The following SUSD1 variants were observed in gnomAD, a reference collection of about 807,000 sequenced individuals.
SUSD1 encodes sushi domain-containing protein 1.
Under a neutral mutation model 86.9 loss-of-function variants are expected in SUSD1, and 65 were observed. The observed-to-expected ratio is 0.75, with a 90% confidence interval of 0.61 to 0.92. The LOEUF (loss-of-function observed/expected upper bound fraction) is 0.92, where lower values mean the gene tolerates loss of function less well. SUSD1 is among the 40% of genes least tolerant of loss of function. The pLI is 0.00. For missense variants in SUSD1, 850 were observed against 929.7 expected (o/e 0.91, Z 1.11); for synonymous variants, 346 against 350.0 (o/e 0.99, Z 0.13).
intron 5 of SUSD1, among the ~76,000 whole-genome samples, chr9:112,129,824 C>T (rs1288959963): frequency 6.6e-6 from 1 of 152,208 alleles, no homozygotes; most frequent in Non-Finnish European, 1.5e-5. Context: ...TAGCTTGCTA[C>T]TACTTTATCA....
intron 2 of SUSD1, among the ~76,000 whole-genome samples, chr9:112,150,065 T>G (rs1832981105): frequency 6.6e-6 from 1 of 152,226 alleles, no homozygotes; most frequent in Admixed American, 6.5e-5. Flanking sequence ...TAAATCTCCC[T>G]CTCATCTCTG....
chr9:112,100,468 G>A lies in SUSD1; in HGVS notation c.1281+1708C>T, dbSNP rs193128481. On this transcript the variant is annotated intron_variant, in intron 9 of 16. Coordinates refer to ENST00000374270, the MANE Select transcript of SUSD1 (RefSeq NM_022486.5). Reference sequence around the variant, plus strand: ...CCCAGAGTGCTGGGATTACAGGCGTGAGCCACCACGCCTGGCCAATTCCTA... The same window carrying A: ...CCCAGAGTGCTGGGATTACAGGCGTAAGCCACCACGCCTGGCCAATTCCTA... Among the ~76,000 whole-genome samples the A allele has an allele frequency of 1.6e-3, 250 of 151,936 alleles. 2 individuals are homozygous for A. Among genetic ancestry groups the A allele is most frequent in the African/African-American group, 5.8e-3 (239 of 41,458 alleles).
chr9:112,140,722 C>G (rs528918768), intron 5 of SUSD1, among the ~76,000 whole-genome samples: 2 of 152,274 alleles, frequency 1.3e-5, no homozygotes, highest in East Asian at 3.9e-4. Context: ...AAACAAATTA[C>G]AGTCATGCAT....
rs748568352 is a variant in SUSD1, at chr9:112,130,477, GGGAAAGGAGAGGGAGAGGAGAA to G, written c.707-6063_707-6042del. Among the ~76,000 whole-genome samples the G allele has an allele frequency of 5.5e-3, 815 of 147,632 alleles. 2 individuals carry two copies. The highest frequency in any genetic ancestry group is 8.7e-3 in the Non-Finnish European group (581 of 66,864). The stretch of plus-strand genomic sequence containing the variant: ...AGAGGGAGAGGAGAGGCAGAGGAGA[GGGAAAGGAGAGGGAGAGGAGAA>G]GGAAAGGAGAGGGAAGGAAAAGAAA... On this transcript the variant is annotated intron_variant, in intron 5 of 16. Coordinates refer to ENST00000374270, the MANE Select transcript of SUSD1 (RefSeq NM_022486.5).
At chr9:112,041,749 C>T in intron 16 of SUSD1, 118 bp downstream of exon 16, 1 of 995,030 alleles carries the variant, frequency 1.0e-6, no homozygotes, top group South Asian at 1.5e-5. Context: ...TCTGCTGAGC[C>T]AAGGACAACC....
chr9:112,124,242 G>C lies in SUSD1; in HGVS notation c.886+15C>G, dbSNP rs376360437. On this transcript the variant is annotated intron_variant, in intron 6 of 16. Transcript: ENST00000374270. ...TTTGTTCCTGGGTAGCAGGAGCCCA[G>C]AACAGAATCTGTACCTGTGCATGTT... 2.7e-4 allele frequency: 434 copies of C among 1,602,062 alleles called. No individual in the cohort carries two copies. Among genetic ancestry groups the C allele is most frequent in the Non-Finnish European group, 3.4e-4 (396 of 1,173,026 alleles).
At chr9:112,043,265 T>C (rs1466597602) in intron 15 of SUSD1, among the ~76,000 whole-genome samples, 1 of 152,218 alleles carries the variant, frequency 6.6e-6, no homozygotes, top group Non-Finnish European at 1.5e-5. Context: ...AACATCACTA[T>C]TGTAAAACCT....
chr9:112,167,050 G>A (rs953318658), intron 1 of SUSD1, among the ~76,000 whole-genome samples: 7 of 152,102 alleles, frequency 4.6e-5, no homozygotes, highest in Admixed American at 2.0e-4. Context: ...CTCAACCAGA[G>A]TCAGGGTTGG....
chr9:112,113,110 G>T lies in SUSD1; in HGVS notation c.887-242C>A, dbSNP rs560992937. Among the ~76,000 whole-genome samples, 1 of 152,144 alleles carries T rather than the reference G, an allele frequency of 6.6e-6. No individual in the cohort carries two copies. The stretch of plus-strand genomic sequence containing the variant: ...AGGAAAGATTCCAGCTTGGATATAG[G>T]TCAGAATTCTAACCTGTGATTCACC... On this transcript the variant is annotated intron_variant, in intron 6 of 16. Transcript: ENST00000374270. This position sits in a 1 kb window ranked among gnomAD's most constrained non-coding sequence, Gnocchi z 4.1.
chr9:112,094,148 C>A (rs1315870488), intron 10 of SUSD1, among the ~76,000 whole-genome samples: 3 of 152,088 alleles, frequency 2.0e-5, no homozygotes, highest in African/African-American at 7.2e-5. Context: ...GGCCCAGGAA[C>A]CAGTGTTTTC....
intron 1 of SUSD1, among the ~76,000 whole-genome samples, chr9:112,163,895 G>T (rs1833671536): frequency 6.6e-6 from 1 of 151,822 alleles, no homozygotes; most frequent in African/African-American, 2.4e-5. Context: ...CAGCTACTCA[G>T]GTGGCTGAGG....
At chr9:112,130,641 AAG>A (rs1017834074) in intron 5 of SUSD1, among the ~76,000 whole-genome samples, 2 of 151,908 alleles carry the variant, frequency 1.3e-5, no homozygotes, top group Non-Finnish European at 2.9e-5. Context: ...AAAAGGAAGA[AAG>A]AGAGAGAGAA....
At chr9:112,090,024 C>A (rs80084672) in intron 10 of SUSD1, among the ~76,000 whole-genome samples, 2,911 of 151,904 alleles carry the variant, frequency 0.019, 91 homozygotes, top group African/African-American at 0.066. Flanking sequence ...TTCTGCAGGT[C>A]ATAGTTTGTT....
At chr9:112,150,933 T>C (rs1304889138) in intron 2 of SUSD1, among the ~76,000 whole-genome samples, 1 of 152,164 alleles carries the variant, frequency 6.6e-6, no homozygotes, top group Non-Finnish European at 1.5e-5. Flanking sequence ...TACATGACTG[T>C]AGACTTTTAT....
At chr9:112,153,877 G>T (rs1833177417) in intron 2 of SUSD1, among the ~76,000 whole-genome samples, 1 of 151,890 alleles carries the variant, frequency 6.6e-6, no homozygotes, top group Non-Finnish European at 1.5e-5. Flanking sequence ...GCTTCCAAAA[G>T]TGCTGGGATT....
intron 1 of SUSD1, among the ~76,000 whole-genome samples, chr9:112,158,490 A>G (rs1233722679): frequency 2.0e-5 from 3 of 151,958 alleles, no homozygotes; most frequent in Non-Finnish European, 4.4e-5. Flanking sequence ...TCCCGGGCTC[A>G]TGCAATTCTC....
chr9:112,074,336 C>T lies in SUSD1; in HGVS notation c.1753+4202G>A, dbSNP rs138181283. Among the ~76,000 whole-genome samples the T allele has an allele frequency of 7.6e-3, 1,157 of 152,294 alleles. 44 individuals are homozygous for T. Among genetic ancestry groups the T allele is most frequent in the Admixed American group, 0.071 (1,082 of 15,300 alleles). Reference sequence around the variant, plus strand: ...ACCCTGTCCTAAAGGGGATGCGTGCCGTGGGGCTATCCTGAAGAATTCAGT... The same window carrying T: ...ACCCTGTCCTAAAGGGGATGCGTGCTGTGGGGCTATCCTGAAGAATTCAGT... On this transcript the variant is annotated intron_variant, in intron 12 of 16. Coordinates refer to ENST00000374270, the MANE Select transcript of SUSD1 (RefSeq NM_022486.5).
In SUSD1 at chr9:112,124,253, G is replaced by A; in HGVS notation, c.886+4C>T. On this transcript the variant is annotated splice_donor_region_variant and intron_variant, in intron 6 of 16. Transcript: ENST00000374270. Reference sequence around the variant, plus strand: ...GTAGCAGGAGCCCAGAACAGAATCTGTACCTGTGCATGTTAAAGTACTTTC... The same window carrying A: ...GTAGCAGGAGCCCAGAACAGAATCTATACCTGTGCATGTTAAAGTACTTTC... 2 of 1,611,506 alleles carry A rather than the reference G, an allele frequency of 1.2e-6. No homozygotes were observed. Among genetic ancestry groups the A allele is most frequent in the Non-Finnish European group, 1.7e-6 (2 of 1,178,640 alleles).
chr9:112,081,346 T>C (rs1305948878), intron 10 of SUSD1, among the ~76,000 whole-genome samples: 1 of 152,314 alleles, frequency 6.6e-6, no homozygotes, highest in Admixed American at 6.5e-5. Flanking sequence ...TCTCTATGGA[T>C]TGGGCAGCTT....
Sources: gnomAD v4.1 joint callset for allele counts (sites outside exome capture counted in the v4.1 genomes callset) on GRCh38, gnomAD v4.1.1 for gene constraint, Gnocchi (gnomAD v3.1) non-coding constraint, MANE v1.5 for transcripts, NCBI Gene and HGNC (gene_info 2026-07-23, HGNC 2026-07-21) for gene names.